The following RASA3 variants were observed in gnomAD, a reference collection of about 807,000 sequenced individuals.
RASA3 encodes the protein RAS p21 protein activator 3, also known as ras GTPase-activating protein 3.
Under a neutral mutation model 110.0 loss-of-function variants are expected in RASA3, and 73 were observed. The ratio of observed to expected loss-of-function variants is 0.66; its 90% CI spans 0.55 to 0.81. The LOEUF is 0.81. Ranked by LOEUF, RASA3 falls within the 30% of genes least tolerant of loss-of-function variation. The pLI is 0.00. For missense variants in RASA3, 976 were observed against 1,113.2 expected (o/e 0.88, Z 1.75); for synonymous variants, 500 against 451.4 (o/e 1.11, Z -1.37).
chr13:114,088,074 T>C (rs760925554), intron 1 of RASA3, among the ~76,000 whole-genome samples: 1 of 152,100 alleles, frequency 6.6e-6, no homozygotes, highest in Non-Finnish European at 1.5e-5. Context: ...GAGGTTGCAG[T>C]GAGCCATGAT....
intron 2 of RASA3, among the ~76,000 whole-genome samples, chr13:114,064,883 G>A (rs1234635954): frequency 6.6e-6 from 1 of 152,222 alleles, no homozygotes; most frequent in Non-Finnish European, 1.5e-5. Flanking sequence ...GAAAAAGTGC[G>A]GCCTGAGAGG....
At position 114,014,294 on chromosome 13, in the gene RASA3, T is replaced by C. The variant is rs2053741057; in HGVS notation, c.1405+915A>G. On this transcript the variant is annotated intron_variant, in intron 14 of 23. Coordinates refer to ENST00000334062, the MANE Select transcript of RASA3 (RefSeq NM_007368.4). The surrounding 1 kb of genome is among the most constrained non-coding windows in gnomAD (Gnocchi z 4.5). ...GTTTTATCTCTTCACTTCCACCTTGTTCAAAGTGGGTCTGGGGCTGGGATG... is the reference window on the plus strand; with the variant it reads ...GTTTTATCTCTTCACTTCCACCTTGCTCAAAGTGGGTCTGGGGCTGGGATG... Among the ~76,000 whole-genome samples the C allele has an allele frequency of 6.6e-6, 1 of 152,176 alleles. No individual in the cohort carries two copies. The highest frequency in any genetic ancestry group is 6.5e-5 in the Admixed American group (1 of 15,276).
chr13:114,061,015 G>A (rs2079334859), intron 2 of RASA3, among the ~76,000 whole-genome samples: 1 of 151,948 alleles, frequency 6.6e-6, no homozygotes, highest in Non-Finnish European at 1.5e-5. Flanking sequence ...CCGGCAGACG[G>A]AGCCCCCACA....
At chr13:113,998,654 G>A (rs943630288) in intron 20 of RASA3, among the ~76,000 whole-genome samples, 1 of 152,334 alleles carries the variant, frequency 6.6e-6, no homozygotes, top group South Asian at 2.1e-4. Context: ...GTGACGCCAC[G>A]GACACCTCTA....
chr13:114,002,350 CCGCCAGGACAG>C, intron 18 of RASA3, among the ~76,000 whole-genome samples: 1 of 152,316 alleles, frequency 6.6e-6, no homozygotes, highest in Non-Finnish European at 1.5e-5. Flanking sequence ...GCGCTGGGAG[CCGCCAGGACAG>C]CGCAGTTCAC....
chr13:114,049,642 A>G (rs992570176), intron 3 of RASA3, among the ~76,000 whole-genome samples: 63 of 152,236 alleles, frequency 4.1e-4, no homozygotes, highest in African/African-American at 1.5e-3. Flanking sequence ...GGCCTGACAC[A>G]CGGTCACACC....
At position 114,065,019 on chromosome 13, in the gene RASA3, T is replaced by C. The variant is rs2079421919; in HGVS notation, c.173+8701A>G. Among the ~76,000 whole-genome samples the C allele has an allele frequency of 6.6e-6, 1 of 152,128 alleles. No homozygotes were observed. Among genetic ancestry groups the C allele is most frequent in the Non-Finnish European group, 1.5e-5 (1 of 68,016 alleles). On this transcript the variant is annotated intron_variant, in intron 2 of 23. Transcript: ENST00000334062. The surrounding 1 kb of genome is among the most constrained non-coding windows in gnomAD (Gnocchi z 4.1). ...CAGTCATTTCTGGAAGAAGTGCAAA[T>C]GAAGTTTCACAGAATCAAGCAAACT...
At chr13:113,997,744 C>A (rs1374589823) in intron 20 of RASA3, among the ~76,000 whole-genome samples, 1 of 152,174 alleles carries the variant, frequency 6.6e-6, no homozygotes, top group Non-Finnish European at 1.5e-5. Flanking sequence ...TCATGTGGGA[C>A]TTGCCCTTAA....
At chr13:114,013,454 CCT>C (rs149321156) in intron 14 of RASA3, among the ~76,000 whole-genome samples, 81,594 of 147,052 alleles carry the variant, frequency 0.55, 23,913 homozygotes, top group African/African-American at 0.76. Context: ...TGTCTCTCCC[CCT>C]TTGTCTCTCT....
chr13:114,043,269 G>A (rs1290778516), intron 3 of RASA3, among the ~76,000 whole-genome samples: 1 of 152,176 alleles, frequency 6.6e-6, no homozygotes, highest in Non-Finnish European at 1.5e-5. Context: ...GAGGCACAAA[G>A]ACGCTTTCCA....
At chr13:114,072,376 T>A (rs945343995) in intron 2 of RASA3, among the ~76,000 whole-genome samples, 5 of 152,210 alleles carry the variant, frequency 3.3e-5, no homozygotes, top group African/African-American at 1.2e-4. Context: ...GGAAACTTGT[T>A]GATTTTAAGA....
chr13:113,981,593 G>C (rs1265098489), intron 23 of RASA3, 82 bp downstream of exon 23: 2 of 1,501,372 alleles, frequency 1.3e-6, no homozygotes, highest in East Asian at 4.6e-5. Context: ...CCCCACCCGG[G>C]AGCTCCCTGC....
At chr13:114,024,177 T>A in intron 8 of RASA3, 102 bp downstream of exon 8, 1 of 1,155,080 alleles carries the variant, frequency 8.7e-7, no homozygotes, top group Non-Finnish European at 1.3e-6. Flanking sequence ...AAATGGAAAT[T>A]CATTTCTATC....
intron 1 of RASA3, among the ~76,000 whole-genome samples, chr13:114,074,412 T>C (rs1247974641): frequency 6.6e-6 from 1 of 152,238 alleles, no homozygotes; most frequent in Non-Finnish European, 1.5e-5. Context: ...ACTCAGCAAA[T>C]GTCCTCCAGG....
rs781482338 is a variant in RASA3, at chr13:114,111,833, AT to A, written c.55+20601del. On this transcript the variant is annotated intron_variant, in intron 1 of 23. Transcript: ENST00000334062. The stretch of plus-strand genomic sequence containing the variant: ...TCCATCTGTGGTCAGGAGTTAGGAC[AT>A]CCCCAGCTGCAATTTGAGCAAAGAC... 2.2e-4 allele frequency among the ~76,000 whole-genome samples: 34 copies of A among 152,358 alleles called. 1 individual carries two copies. The highest frequency in any genetic ancestry group is 4.0e-4 in the Non-Finnish European group (27 of 68,026).
At position 114,048,397 on chromosome 13, in the gene RASA3, G is replaced by A. The variant is rs544603158; in HGVS notation, c.277+3655C>T. Among the ~76,000 whole-genome samples, 2 of 152,240 alleles carry A rather than the reference G, an allele frequency of 1.3e-5. No individual in the cohort carries two copies. The highest frequency in any genetic ancestry group is 6.5e-5 in the Admixed American group (1 of 15,296). The stretch of plus-strand genomic sequence containing the variant: ...TGGGAAGCCTCAGAGAGTCTCTAGG[G>A]GCTGGAGGGGCAAATGGAGGGGGAC... On this transcript the variant is annotated intron_variant, in intron 3 of 23. Coordinates refer to ENST00000334062, the MANE Select transcript of RASA3 (RefSeq NM_007368.4). The surrounding 1 kb of genome is among the most constrained non-coding windows in gnomAD (Gnocchi z 4.3).
At chr13:114,035,195 T>G (rs2139426204) in intron 4 of RASA3, among the ~76,000 whole-genome samples, 1 of 152,300 alleles carries the variant, frequency 6.6e-6, no homozygotes. Flanking sequence ...AACGGCAAAT[T>G]CCTTGAGAGA....
At chr13:114,078,643 T>C (rs940444038) in intron 1 of RASA3, among the ~76,000 whole-genome samples, 1 of 152,196 alleles carries the variant, frequency 6.6e-6, no homozygotes, top group Non-Finnish European at 1.5e-5. Context: ...GTAAACAGCA[T>C]AACACCGCAA....
chr13:114,117,004 G>A lies in RASA3; in HGVS notation c.55+15431C>T, dbSNP rs146680777. 5.9e-3 allele frequency among the ~76,000 whole-genome samples: 845 copies of A among 142,156 alleles called. 8 individuals carry two copies. The highest frequency in any genetic ancestry group is 0.037 in the Middle Eastern group (8 of 216). 93.3% of individuals were successfully genotyped at this position (142,156 alleles called of 152,430 possible). Reference sequence around the variant, plus strand: ...GTGTGTGAGGGATGCACATGTGTGAGGGGTGCACGTGTGTGAGGGGTGCAC... The same window carrying A: ...GTGTGTGAGGGATGCACATGTGTGAAGGGTGCACGTGTGTGAGGGGTGCAC... On this transcript the variant is annotated intron_variant, in intron 1 of 23. Coordinates refer to ENST00000334062, the MANE Select transcript of RASA3 (RefSeq NM_007368.4).
Sources: gnomAD v4.1 joint callset for allele counts (sites outside exome capture counted in the v4.1 genomes callset) on GRCh38, gnomAD v4.1.1 for gene constraint, Gnocchi (gnomAD v3.1) non-coding constraint, MANE v1.5 for transcripts, NCBI Gene and HGNC (gene_info 2026-07-23, HGNC 2026-07-21) for gene names.